Variants in ARFGEF3 observed in about 807,000 individuals in gnomAD.
The protein encoded by ARFGEF3 is ARFGEF family member 3.
In ARFGEF3, 96 loss-of-function variants were observed where a neutral mutation model predicts 221.7. That is an observed-to-expected ratio of 0.43 (90% confidence interval 0.37 to 0.51). The LOEUF is 0.51. Ranked by LOEUF, ARFGEF3 falls within the 20% of genes least tolerant of loss-of-function variation. ARFGEF3 has a pLI of 0.00. For missense variants in ARFGEF3, 2,410 were observed against 2,789.9 expected (o/e 0.86, Z 3.07); for synonymous variants, 1,145 against 1,126.8 (o/e 1.02, Z -0.32).
At chr6:138,316,740 C>T (rs1342149369) in intron 26 of ARFGEF3, among the ~76,000 whole-genome samples, 5 of 152,178 alleles carry the variant, frequency 3.3e-5, no homozygotes, top group Admixed American at 6.5e-5. Flanking sequence ...AGGAGAGTAA[C>T]TGTTTAATAG....
chr6:138,332,953 T>C (rs1410690390), intron 32 of ARFGEF3, among the ~76,000 whole-genome samples: 1 of 152,220 alleles, frequency 6.6e-6, no homozygotes, highest in African/African-American at 2.4e-5. Context: ...AAGCACTTTT[T>C]CCTACTTACA....
rs577940950 is a variant in ARFGEF3, at chr6:138,218,148, G to C, written c.351+8107G>C. 166 of 1,613,924 alleles carry C rather than the reference G, an allele frequency of 1.0e-4. No homozygotes were observed. The East Asian group carries it at 3.7e-3, about 36-fold the overall frequency. On this transcript the variant is annotated intron_variant, in intron 4 of 33. Coordinates refer to ENST00000251691, the MANE Select transcript of ARFGEF3 (RefSeq NM_020340.5). Reference sequence around the variant, plus strand: ...TTTCATGGTCAAGTGTGTCTGCAAGGGTGTGAGAATTGCATGGTGTGACTG... The same window carrying C: ...TTTCATGGTCAAGTGTGTCTGCAAGCGTGTGAGAATTGCATGGTGTGACTG...
intron 2 of ARFGEF3, among the ~76,000 whole-genome samples, chr6:138,206,750 G>A (rs931939298): frequency 2.6e-5 from 4 of 152,206 alleles, no homozygotes; most frequent in African/African-American, 9.7e-5. Flanking sequence ...CATGTTCACA[G>A]ACTGGCCGGG....
chr6:138,272,840 A>G (rs1779029877), intron 12 of ARFGEF3, among the ~76,000 whole-genome samples: 1 of 152,360 alleles, frequency 6.6e-6, no homozygotes, highest in East Asian at 1.9e-4. Flanking sequence ...TCTATTTGGA[A>G]AATAGTTTGT....
chr6:138,242,219 T>G (rs1250848403), intron 6 of ARFGEF3, among the ~76,000 whole-genome samples: 1 of 152,232 alleles, frequency 6.6e-6, no homozygotes, highest in Non-Finnish European at 1.5e-5. Flanking sequence ...GGATTATCTC[T>G]TGGTGCAAAG....
Position 138,261,518 on chromosome 6 carries a change from T to C in ARFGEF3, c.1105-9T>C. On this transcript the variant is annotated splice_polypyrimidine_tract_variant and intron_variant, in intron 10 of 33. Coordinates refer to ENST00000251691, the MANE Select transcript of ARFGEF3 (RefSeq NM_020340.5). Reference sequence around the variant, plus strand: ...ACTTTTCTGTTACTCTTTTACCTTTTTCTTTAAGATACTTGGGAGCCCACA... The same window carrying C: ...ACTTTTCTGTTACTCTTTTACCTTTCTCTTTAAGATACTTGGGAGCCCACA... 6.6e-7 allele frequency: 1 copy of C among 1,519,204 alleles called. No individual in the cohort carries two copies. Among genetic ancestry groups the C allele is most frequent in the East Asian group, 2.4e-5 (1 of 41,842 alleles). The allele number at this position is 1,519,204 out of a possible 1,614,324, so 94.1% of individuals were successfully genotyped here.
chr6:138,181,731 T>G (rs1777083240), intron 2 of ARFGEF3, among the ~76,000 whole-genome samples: 1 of 152,232 alleles, frequency 6.6e-6, no homozygotes, highest in Admixed American at 6.5e-5. Flanking sequence ...TGTGAGCCAC[T>G]GCATCCAGCC....
chr6:138,330,168 G>A (rs552195878), intron 32 of ARFGEF3, among the ~76,000 whole-genome samples: 7 of 152,298 alleles, frequency 4.6e-5, no homozygotes, highest in African/African-American at 1.4e-4. Flanking sequence ...GGATGTGTAC[G>A]TGCAGGTCAC....
At chr6:138,210,312 A>G (rs1356019903) in intron 4 of ARFGEF3, among the ~76,000 whole-genome samples, 1 of 152,200 alleles carries the variant, frequency 6.6e-6, no homozygotes, top group Non-Finnish European at 1.5e-5. Context: ...AAGAGAATGT[A>G]TGTGAGTAGT....
chr6:138,333,823 C>A, intron 32 of ARFGEF3, 147 bp from the exon 33 acceptor site: 3 of 869,194 alleles, frequency 3.5e-6, no homozygotes, highest in Non-Finnish European at 5.1e-6. Flanking sequence ...AAAAAGTATG[C>A]CTTCTTTCAT....
intron 12 of ARFGEF3, among the ~76,000 whole-genome samples, chr6:138,265,294 G>T (rs1778873998): frequency 6.6e-6 from 1 of 152,102 alleles, no homozygotes; most frequent in Non-Finnish European, 1.5e-5. Flanking sequence ...ACATGACCTA[G>T]AAAAGGATGT....
At position 138,255,678 on chromosome 6, in the gene ARFGEF3, C is replaced by A; in HGVS notation, c.1013C>A (p.Ser338Tyr). ...GTCCGGCTGGTGGGGTCTGTGGACT[C>A]CATGAAGCCCGTGCTCCAGTCCCTC... ...ELVRLVGSVD[S>Y]MKPVLQSLYH... The change falls in exon 10 of 34, where the codon TCC becomes TAC. Residue 338 changes from serine to tyrosine, a missense_variant. Physicochemically the swap from Ser to Tyr is moderately radical, Grantham distance 144 (BLOSUM62 -2). Transcript: ENST00000251691. 1 of 1,613,478 alleles carries A rather than the reference C, an allele frequency of 6.2e-7. No individual in the cohort carries two copies. Among genetic ancestry groups the A allele is most frequent in the South Asian group, 1.1e-5 (1 of 90,960 alleles).
At chr6:138,248,793 C>T (rs953682781) in intron 8 of ARFGEF3, among the ~76,000 whole-genome samples, 4 of 152,096 alleles carry the variant, frequency 2.6e-5, no homozygotes, top group African/African-American at 4.8e-5. Flanking sequence ...CCATTGCACT[C>T]CAGCCTAGGC....
intron 4 of ARFGEF3, among the ~76,000 whole-genome samples, chr6:138,224,270 A>G (rs989604642): frequency 2.6e-5 from 4 of 152,262 alleles, no homozygotes; most frequent in African/African-American, 9.6e-5. Flanking sequence ...GAAATGTCTC[A>G]TGGGAGATGC....
intron 1 of ARFGEF3, among the ~76,000 whole-genome samples, chr6:138,163,095 A>T (rs1776650845): frequency 6.6e-6 from 1 of 151,186 alleles, no homozygotes; most frequent in South Asian, 2.1e-4. Context: ...CTGTCATGAC[A>T]CTGTGTGTGC....
intron 2 of ARFGEF3, among the ~76,000 whole-genome samples, chr6:138,200,708 A>C (rs893160382): frequency 2.6e-5 from 4 of 152,256 alleles, no homozygotes; most frequent in African/African-American, 4.8e-5. Flanking sequence ...CTAAGACCTG[A>C]AACTATAAAA....
intron 10 of ARFGEF3, among the ~76,000 whole-genome samples, chr6:138,257,650 A>G (rs1778710114): frequency 6.6e-6 from 1 of 152,064 alleles, no homozygotes; most frequent in Admixed American, 6.5e-5. Context: ...TTATCACTGG[A>G]CATGACTCTC....
At position 138,210,855 on chromosome 6, in the gene ARFGEF3, G is replaced by A. The variant is rs112836949; in HGVS notation, c.351+814G>A. Among the ~76,000 whole-genome samples, 1,513 of 152,240 alleles carry A rather than the reference G, an allele frequency of 9.9e-3. 21 individuals are homozygous for A. The highest frequency in any genetic ancestry group is 0.051 in the Middle Eastern group (15 of 294). ...AATGCACTGAAGGATTTTTGTCTTGGATAAGAGACTACACTTCTCCTGGTT... is the reference window on the plus strand; with the variant it reads ...AATGCACTGAAGGATTTTTGTCTTGAATAAGAGACTACACTTCTCCTGGTT... On this transcript the variant is annotated intron_variant, in intron 4 of 33. Coordinates refer to ENST00000251691, the MANE Select transcript of ARFGEF3 (RefSeq NM_020340.5).
chr6:138,322,298 AAGGAGAACTC>A (rs1332331249), intron 29 of ARFGEF3, among the ~76,000 whole-genome samples: 1 of 152,170 alleles, frequency 6.6e-6, no homozygotes, highest in Non-Finnish European at 1.5e-5. Context: ...CGACTGGCTC[AAGGAGAACTC>A]ATTATAACCA....
Sources: allele counts gnomAD v4.1 joint callset (sites outside exome capture counted in the v4.1 genomes callset), GRCh38; gene constraint gnomAD v4.1.1; transcripts MANE v1.5; gene names NCBI Gene and HGNC (gene_info 2026-07-23, HGNC 2026-07-21).